PRKN: variants seen among roughly 807,000 people sequenced by gnomAD.
PRKN encodes E3 ubiquitin-protein ligase parkin.
A neutral mutation model predicts 59.5 loss-of-function variants in PRKN; 56 were observed. The observed-to-expected ratio is 0.94, with a 90% CI of 0.76 to 1.18. The LOEUF (loss-of-function observed/expected upper bound fraction) is 1.18. PRKN is among the 50% of genes most tolerant of loss of function. The probability of loss-of-function intolerance (pLI) is 0.00; values close to 1 mark genes in which losing one functional copy is unlikely to be tolerated. For missense variants in PRKN, 657 were observed against 596.4 expected (o/e 1.10, Z -1.06); for synonymous variants, 250 against 222.1 (o/e 1.13, Z -1.12).
Position 162,386,077 on chromosome 6 carries a change from T to G in PRKN, c.171+57233A>C, listed in dbSNP as rs146607616. Among the ~76,000 whole-genome samples, 716 of 152,240 alleles carry G rather than the reference T, an allele frequency of 4.7e-3. 13 individuals carry two copies. The East Asian group carries it at 0.049, about 10-fold the overall frequency. On this transcript the variant is annotated intron_variant, in intron 2 of 11. Transcript: ENST00000366898. The stretch of plus-strand genomic sequence containing the variant: ...TGCCTATGCAGATGCAGGATACATA[T>G]AAATATAGAGTCAACCATCTCCTAG...
At chr6:162,021,580 C>T (rs2128276023) in intron 5 of PRKN, among the ~76,000 whole-genome samples, 1 of 151,206 alleles carries the variant, frequency 6.6e-6, no homozygotes, top group South Asian at 2.1e-4. Context: ...AGATAAGAAA[C>T]ATATTACTCA....
intron 4 of PRKN, among the ~76,000 whole-genome samples, chr6:162,113,272 C>G (rs1443308762): frequency 6.6e-6 from 1 of 152,228 alleles, no homozygotes; most frequent in Non-Finnish European, 1.5e-5. Context: ...TTACATTCTG[C>G]TGCACACTGT....
chr6:161,755,929 G>A (rs1583110802), intron 7 of PRKN, among the ~76,000 whole-genome samples: 1 of 152,046 alleles, frequency 6.6e-6, no homozygotes, highest in Admixed American at 6.5e-5. Flanking sequence ...GGCAATAGGT[G>A]TTGGAAAAAA....
chr6:162,233,365 C>A lies in PRKN; in HGVS notation c.412+29160G>T, dbSNP rs995192567. Among the ~76,000 whole-genome samples the A allele has an allele frequency of 2.0e-5, 3 of 152,022 alleles. No individual in the cohort carries two copies. In the South Asian group the frequency reaches 6.2e-4, roughly 32 times the overall value. ...AAATACACCAAGATAATGCATATCT[C>A]GTAATTCAGATTGAAGGAACTTATT... On this transcript the variant is annotated intron_variant, in intron 3 of 11. Transcript: ENST00000366898.
At chr6:161,607,230 G>T (rs1350877617) in intron 7 of PRKN, among the ~76,000 whole-genome samples, 1 of 152,112 alleles carries the variant, frequency 6.6e-6, no homozygotes, top group African/African-American at 2.4e-5. Flanking sequence ...AGGTACTCAG[G>T]TGAAATGCAG....
chr6:161,564,409 A>G (rs958782392), intron 8 of PRKN, among the ~76,000 whole-genome samples: 2 of 151,834 alleles, frequency 1.3e-5, no homozygotes, highest in Non-Finnish European at 2.9e-5. Context: ...GCTGCCCCAA[A>G]CCCTGAGACC....
rs191063535 is a variant in PRKN, at chr6:161,440,541, G to C, written c.1084-53664C>G. The stretch of plus-strand genomic sequence containing the variant: ...TGAATTGTTCTGCAAAGACATGGTC[G>C]GCAGACACAGAGGGTTCCCTCACCA... On this transcript the variant is annotated intron_variant, in intron 9 of 11. Coordinates refer to ENST00000366898, the MANE Select transcript of PRKN (RefSeq NM_004562.3). The surrounding 1 kb of genome is among the most constrained non-coding windows in gnomAD (Gnocchi z 4.1). 6.6e-6 allele frequency among the ~76,000 whole-genome samples: 1 copy of C among 152,184 alleles called. No individual in the cohort carries two copies. The highest frequency in any genetic ancestry group is 2.4e-5 in the African/African-American group (1 of 41,448).
chr6:162,026,873 AAAT>A (rs1471533655), intron 5 of PRKN, among the ~76,000 whole-genome samples: 2 of 152,214 alleles, frequency 1.3e-5, no homozygotes, highest in Non-Finnish European at 2.9e-5. Flanking sequence ...GCTTTTCATA[AAAT>A]AATGATGGTG....
intron 1 of PRKN, among the ~76,000 whole-genome samples, chr6:162,461,412 G>C (rs1198765587): frequency 7.6e-6 from 1 of 131,228 alleles, no homozygotes; most frequent in African/African-American, 2.8e-5. Flanking sequence ...TGAGGCAAGA[G>C]AATCACTTGA....
chr6:161,700,630 T>C (rs530218766), intron 7 of PRKN, among the ~76,000 whole-genome samples: 5 of 152,322 alleles, frequency 3.3e-5, no homozygotes, highest in African/African-American at 9.6e-5. Flanking sequence ...GTTTCCTGCC[T>C]GTGAGCACAA....
chr6:161,907,934 C>T (rs1001950547), intron 6 of PRKN, among the ~76,000 whole-genome samples: 1 of 151,884 alleles, frequency 6.6e-6, no homozygotes, highest in East Asian at 1.9e-4. Context: ...AAAAATTAGC[C>T]GGGTGTGGGG....
chr6:162,572,641 CA>C (rs1780388016), intron 1 of PRKN, among the ~76,000 whole-genome samples: 2 of 152,068 alleles, frequency 1.3e-5, no homozygotes, highest in Non-Finnish European at 2.9e-5. Flanking sequence ...TACTTTACTA[CA>C]AAATGTCCTA....
intron 7 of PRKN, among the ~76,000 whole-genome samples, chr6:161,685,725 G>A (rs1175542775): frequency 6.6e-6 from 1 of 152,196 alleles, no homozygotes; most frequent in Non-Finnish European, 1.5e-5. Flanking sequence ...TAATGGGAAA[G>A]ACTACACATG....
At chr6:161,837,490 T>C (rs1251552402) in intron 6 of PRKN, among the ~76,000 whole-genome samples, 1 of 151,988 alleles carries the variant, frequency 6.6e-6, no homozygotes, top group Non-Finnish European at 1.5e-5. Context: ...CCTGTGAACC[T>C]CATTCACAGC....
intron 3 of PRKN, among the ~76,000 whole-genome samples, chr6:162,261,719 G>A (rs957901403): frequency 6.6e-6 from 1 of 152,016 alleles, no homozygotes; most frequent in African/African-American, 2.4e-5. Context: ...TACTTTCTGG[G>A]CTTATCTACT....
intron 2 of PRKN, among the ~76,000 whole-genome samples, chr6:162,418,613 A>AGTGTGTGTGTGTGTGTGTGTGTGT (rs140621171): frequency 0.014 from 1,773 of 126,292 alleles, 34 homozygotes; most frequent in East Asian, 0.03. Flanking sequence ...AGGGACAGAC[A>AGTGTGTGTGTGTGTGTGTGTGTGT]GTGTGTGTGT....
Position 162,638,314 on chromosome 6 carries a change from G to A in PRKN, c.7+89348C>T, listed in dbSNP as rs544247670. ...GTAAGCCTAAGAGTTTTTTTCCCTA[G>A]CCTGTATACGCTTGTTCTGTGCCAA... On this transcript the variant is annotated intron_variant, in intron 1 of 11. Coordinates refer to ENST00000366898, the MANE Select transcript of PRKN (RefSeq NM_004562.3). Among the ~76,000 whole-genome samples, 25 of 151,564 alleles carry A rather than the reference G, an allele frequency of 1.6e-4. No homozygotes were observed. The South Asian group carries it at 5.2e-3, about 32-fold the overall frequency.
intron 1 of PRKN, among the ~76,000 whole-genome samples, chr6:162,720,905 T>A (rs182950922): frequency 1.8e-4 from 27 of 152,326 alleles, no homozygotes; most frequent in Admixed American, 1.1e-3. Context: ...ACCCTAAGCA[T>A]CATGTTCCAC....
At chr6:162,102,999 C>T (rs1170911802) in intron 4 of PRKN, among the ~76,000 whole-genome samples, 4 of 147,542 alleles carry the variant, frequency 2.7e-5, no homozygotes, top group Admixed American at 2.0e-4. Flanking sequence ...GCAGAGATCG[C>T]GCCACTGCAC....
Sources: allele counts gnomAD v4.1 joint callset (sites outside exome capture counted in the v4.1 genomes callset), GRCh38; gene constraint gnomAD v4.1.1; non-coding constraint Gnocchi (gnomAD v3.1); transcripts MANE v1.5; gene names NCBI Gene and HGNC (gene_info 2026-07-23, HGNC 2026-07-21).